Variants in ERG observed in about 807,000 individuals in gnomAD.
The protein encoded by ERG is transcriptional regulator ERG.
ERG carries 9 observed loss-of-function variants against 55.3 expected under a neutral mutation model. That is an observed-to-expected ratio of 0.16 (90% CI 0.10 to 0.28). The LOEUF (loss-of-function observed/expected upper bound fraction) is 0.28, where lower values mean the gene tolerates loss of function less well. Ranked by LOEUF, ERG falls within the 10% of genes least tolerant of loss-of-function variation. The pLI is 1.00. For missense variants in ERG, 434 were observed against 631.6 expected (o/e 0.69, Z 3.35); for synonymous variants, 223 against 237.3 (o/e 0.94, Z 0.55).
upstream of ERG, among the ~76,000 whole-genome samples, chr21:38,585,532 CTTTTTTTTTTT>C (rs760791568): frequency 5.1e-5 from 3 of 59,270 alleles, no homozygotes; most frequent in Non-Finnish European, 9.4e-5. Context: ...TCTCTCTCTT[CTTTTTTTTTTT>C]TTTTTTTTTT....
chr21:38,453,335 T>C (rs1304825844), intron 1 of ERG, among the ~76,000 whole-genome samples: 1 of 152,202 alleles, frequency 6.6e-6, no homozygotes, highest in East Asian at 1.9e-4. Flanking sequence ...GATTGGAGCA[T>C]GGTAGAAAAA....
chr21:38,574,325 C>T (rs2059981569), intron 2 of ERG, among the ~76,000 whole-genome samples: 1 of 152,164 alleles, frequency 6.6e-6, no homozygotes, highest in Non-Finnish European at 1.5e-5. Flanking sequence ...CCTACTTGCA[C>T]TTTTTTTGAT....
At chr21:38,453,858 T>A in intron 1 of ERG, among the ~76,000 whole-genome samples, 1 of 130,740 alleles carries the variant, frequency 7.6e-6, no homozygotes, top group African/African-American at 2.9e-5. Context: ...CACTCTAGCC[T>A]GGGCAACAAG....
At chr21:38,375,759 G>A (rs1463448999), downstream of ERG, among the ~76,000 whole-genome samples, 1 of 152,074 alleles carries the variant, frequency 6.6e-6, no homozygotes, top group Non-Finnish European at 1.5e-5. Context: ...TTGTTTACTT[G>A]GTGTGTATAA....
intron 2 of ERG, among the ~76,000 whole-genome samples, chr21:38,541,844 G>A (rs1028804956): frequency 1.3e-5 from 2 of 152,014 alleles, no homozygotes; most frequent in South Asian, 2.1e-4. Context: ...ATAGGTGCAG[G>A]GAACCACCAT....
At chr21:38,367,617 C>A in the ERG span, 1 of 524,198 alleles carries the variant, frequency 1.9e-6, no homozygotes, top group Non-Finnish European at 3.7e-6. Context: ...CTGCTATATT[C>A]TATTCATTAA....
chr21:38,567,057 C>T (rs540433226), intron 2 of ERG, among the ~76,000 whole-genome samples: 1 of 121,700 alleles, frequency 8.2e-6, no homozygotes, highest in Non-Finnish European at 1.8e-5. Flanking sequence ...TGAATCTTAA[C>T]GAGGAATCGC....
At chr21:38,485,008 CAAAA>C (rs533967460) in intron 1 of ERG, among the ~76,000 whole-genome samples, 1 of 140,060 alleles carries the variant, frequency 7.1e-6, no homozygotes, top group Non-Finnish European at 1.6e-5. Flanking sequence ...TTTCTATTTC[CAAAA>C]AAAAAAAAAG....
At chr21:38,622,612 G>A (rs974074107) in intron 1 of ERG, among the ~76,000 whole-genome samples, 3 of 112,138 alleles carry the variant, frequency 2.7e-5, no homozygotes, top group African/African-American at 1.1e-4. Context: ...ACACACACAC[G>A]TCACATACAC....
intron 2 of ERG, among the ~76,000 whole-genome samples, chr21:38,567,933 C>T (rs1601251278): frequency 1.3e-5 from 2 of 152,196 alleles, no homozygotes; most frequent in East Asian, 3.8e-4. Flanking sequence ...GTTTTAGACT[C>T]TTCCGTCTAT....
At chr21:38,446,077 G>A (rs1215749890) in intron 1 of ERG, among the ~76,000 whole-genome samples, 2 of 151,984 alleles carry the variant, frequency 1.3e-5, no homozygotes, top group Non-Finnish European at 2.9e-5. Flanking sequence ...GGATTTTGCG[G>A]AAGAGGGACT....
chr21:38,499,128 G>C (rs1302644763), upstream of ERG, among the ~76,000 whole-genome samples: 1 of 152,098 alleles, frequency 6.6e-6, no homozygotes, highest in Non-Finnish European at 1.5e-5. Flanking sequence ...AAAAAATAAA[G>C]AGGAAAAATA....
chr21:38,379,383 C>T (rs1028486109), downstream of ERG, among the ~76,000 whole-genome samples: 6 of 152,186 alleles, frequency 3.9e-5, no homozygotes, highest in African/African-American at 1.4e-4. Flanking sequence ...GAGTCATAAA[C>T]TTGTAACATC....
At chr21:38,651,091 T>C (rs988263607) in intron 1 of ERG, among the ~76,000 whole-genome samples, 4 of 152,268 alleles carry the variant, frequency 2.6e-5, no homozygotes. Context: ...AGCCGCACTA[T>C]TTGTTAGCTG....
chr21:38,638,642 C>A (rs2060405119), intron 1 of ERG, among the ~76,000 whole-genome samples: 1 of 152,084 alleles, frequency 6.6e-6, no homozygotes, highest in South Asian at 2.1e-4. Flanking sequence ...GACCTCCCTG[C>A]CAGAGGATGG....
intron 2 of ERG, among the ~76,000 whole-genome samples, chr21:38,520,529 C>G (rs2059586631): frequency 6.6e-6 from 1 of 152,178 alleles, no homozygotes; most frequent in South Asian, 2.1e-4. Flanking sequence ...GGCGGGAAGC[C>G]ATTGGGGCCA....
intron 1 of ERG, among the ~76,000 whole-genome samples, chr21:38,640,300 AACCAAC>A (rs2060416084): frequency 1.3e-5 from 2 of 152,328 alleles, no homozygotes; most frequent in Admixed American, 1.3e-4. Flanking sequence ...ATATCAACTT[AACCAAC>A]ATTATGATTT....
intron 2 of ERG, among the ~76,000 whole-genome samples, chr21:38,434,191 G>GC (rs1476266245): frequency 6.6e-6 from 1 of 152,166 alleles, no homozygotes; most frequent in African/African-American, 2.4e-5. Flanking sequence ...GCCAAGCACT[G>GC]CCCCAGGTAC....
chr21:38,517,370 A>G (rs1463252115), intron 2 of ERG, among the ~76,000 whole-genome samples: 2 of 152,184 alleles, frequency 1.3e-5, no homozygotes. Context: ...ACTCAATATC[A>G]CTAATCATCA....
Sources: allele counts gnomAD v4.1 joint callset (sites outside exome capture counted in the v4.1 genomes callset), GRCh38; gene constraint gnomAD v4.1.1; transcripts MANE v1.5; gene names NCBI Gene and HGNC (gene_info 2026-07-23, HGNC 2026-07-21).